ASIC5: variants seen among roughly 807,000 people sequenced by gnomAD.
ASIC5 encodes the protein bile acid-sensitive ion channel.
Under a neutral mutation model 51.2 loss-of-function variants are expected in ASIC5, and 52 were observed. That is an observed-to-expected ratio of 1.02 (90% CI 0.81 to 1.28). The LOEUF (loss-of-function observed/expected upper bound fraction) is 1.28. ASIC5 is among the 50% of genes most tolerant of loss of function. The pLI is 0.00. For synonymous variants in ASIC5, 231 were observed against 200.7 expected (o/e 1.15, Z -1.28); for missense variants, 635 against 595.0 (o/e 1.07, Z -0.70).
intron 2 of ASIC5, among the ~76,000 whole-genome samples, chr4:155,861,433 T>A (rs1320120347): frequency 6.6e-6 from 1 of 152,018 alleles, no homozygotes; most frequent in East Asian, 1.9e-4. Context: ...AAAATGACAA[T>A]TTTTTATATC....
At chr4:155,838,728 CTATCCATAG>C in intron 7 of ASIC5, 76 bp downstream of exon 7, 1 of 774,178 alleles carries the variant, frequency 1.3e-6, no homozygotes, top group East Asian at 2.7e-5. Flanking sequence ...AATTTCTGGG[CTATCCATAG>C]TTTGACTTAA....
chr4:155,863,311 T>C, intron 2 of ASIC5, 137 bp downstream of exon 2: 1 of 658,522 alleles, frequency 1.5e-6, no homozygotes, highest in Non-Finnish European at 2.5e-6. Context: ...TGCTTTTGAG[T>C]GCAATTTAAG....
chr4:155,856,353 C>A (rs1435150980), intron 2 of ASIC5, among the ~76,000 whole-genome samples: 1 of 152,060 alleles, frequency 6.6e-6, no homozygotes, highest in East Asian at 1.9e-4. Context: ...CATATTAAAT[C>A]CTTTCTCAGT....
chr4:155,840,103 T>C (rs1741083167), intron 6 of ASIC5, among the ~76,000 whole-genome samples: 1 of 152,228 alleles, frequency 6.6e-6, no homozygotes, highest in Non-Finnish European at 1.5e-5. Context: ...GCAGATATCA[T>C]TCTTTGTGTT....
At chr4:155,848,402 C>T (rs1741304432) in intron 4 of ASIC5, among the ~76,000 whole-genome samples, 1 of 151,882 alleles carries the variant, frequency 6.6e-6, no homozygotes, top group African/African-American at 2.4e-5. Context: ...GAAGCATTGT[C>T]AAATATGAAA....
At chr4:155,865,573 C>T (rs1379700332) in intron 1 of ASIC5, among the ~76,000 whole-genome samples, 4 of 152,114 alleles carry the variant, frequency 2.6e-5, no homozygotes, top group African/African-American at 9.7e-5. Flanking sequence ...AAACATTTAA[C>T]TTTCAAGTTT....
At chr4:155,842,382 G>A (rs1741139690) in intron 5 of ASIC5, 28 bp from the exon 6 acceptor site, 1 of 1,570,146 alleles carries the variant, frequency 6.4e-7, no homozygotes, top group Non-Finnish European at 8.7e-7. Flanking sequence ...ACTGGGTTCA[G>A]GAGATGTGTT....
chr4:155,830,952 A>T (rs1011280114), intron 9 of ASIC5, among the ~76,000 whole-genome samples: 1 of 152,128 alleles, frequency 6.6e-6, no homozygotes, highest in Non-Finnish European at 1.5e-5. Flanking sequence ...AAATTTACAT[A>T]TTTCCTCCAT....
chr4:155,830,758 T>G (rs2111220412), intron 9 of ASIC5, among the ~76,000 whole-genome samples: 1 of 152,302 alleles, frequency 6.6e-6, no homozygotes, highest in African/African-American at 2.4e-5. Context: ...CTCCTCATCC[T>G]TCCTCTCCTC....
At chr4:155,851,095 T>G (rs1741372078) in intron 4 of ASIC5, among the ~76,000 whole-genome samples, 1 of 152,056 alleles carries the variant, frequency 6.6e-6, no homozygotes, top group Non-Finnish European at 1.5e-5. Flanking sequence ...AATATCTAAA[T>G]GTTATTTACC....
chr4:155,831,801 A>C, intron 9 of ASIC5, 23 bp downstream of exon 9: 2 of 1,365,696 alleles, frequency 1.5e-6, no homozygotes, highest in Non-Finnish European at 2.1e-6. Flanking sequence ...AAATAAAATA[A>C]GGAGCAATTA....
chr4:155,836,637 G>GC, intron 8 of ASIC5, 52 bp downstream of exon 8: 2 of 1,048,818 alleles, frequency 1.9e-6, no homozygotes, highest in Non-Finnish European at 2.7e-6. Flanking sequence ...TTTCAATAAA[G>GC]AAAAAAAAAT....
chr4:155,832,715 C>G (rs1740896131), intron 8 of ASIC5, among the ~76,000 whole-genome samples: 1 of 152,114 alleles, frequency 6.6e-6, no homozygotes, highest in Admixed American at 6.6e-5. Context: ...AATTTTCACA[C>G]TCCATAGCCA....
chr4:155,835,268 C>T (rs1229215003), intron 8 of ASIC5, among the ~76,000 whole-genome samples: 11 of 152,114 alleles, frequency 7.2e-5, no homozygotes, highest in Admixed American at 7.2e-4. Context: ...CAAAGCGCTC[C>T]CCCTGGCCTC....
At chr4:155,834,887 A>G (rs1210696173) in intron 8 of ASIC5, among the ~76,000 whole-genome samples, 1 of 152,088 alleles carries the variant, frequency 6.6e-6, no homozygotes, top group African/African-American at 2.4e-5. Context: ...ACATCTGAAC[A>G]CCAAGGGGAG....
intron 2 of ASIC5, among the ~76,000 whole-genome samples, chr4:155,862,205 T>G (rs1057090538): frequency 6.6e-6 from 1 of 152,008 alleles, no homozygotes; most frequent in African/African-American, 2.4e-5. Context: ...GAAAATCATT[T>G]TTTGGGGGGA....
chr4:155,861,991 T>C (rs1023590359), intron 2 of ASIC5, among the ~76,000 whole-genome samples: 1 of 152,114 alleles, frequency 6.6e-6, no homozygotes, highest in African/African-American at 2.4e-5. Context: ...TAAATGTTTC[T>C]TTTTTAAAAG....
intron 8 of ASIC5, among the ~76,000 whole-genome samples, chr4:155,835,229 A>G (rs1032593009): frequency 6.6e-5 from 10 of 151,992 alleles, no homozygotes; most frequent in East Asian, 5.8e-4. Context: ...CAGGCACCCA[A>G]TGCTAGACAC....
At chr4:155,860,602 TG>T (rs1315790890) in intron 2 of ASIC5, among the ~76,000 whole-genome samples, 3 of 151,928 alleles carry the variant, frequency 2.0e-5, no homozygotes, top group Non-Finnish European at 4.4e-5. Context: ...CTTAATTTTT[TG>T]TTCCCTAAGG....
Sources: allele counts gnomAD v4.1 joint callset (sites outside exome capture counted in the v4.1 genomes callset), GRCh38; gene constraint gnomAD v4.1.1; transcripts MANE v1.5; gene names NCBI Gene and HGNC (gene_info 2026-07-23, HGNC 2026-07-21).